The following PABPC4L variants were observed in gnomAD, a reference collection of about 807,000 sequenced individuals.
The protein encoded by PABPC4L is poly(A) binding protein cytoplasmic 4 like.
For missense variants in PABPC4L, 452 were observed against 451.4 expected, an observed-to-expected ratio of 1.00 and a Z score of -0.01; for synonymous variants, 169 against 164.1, an observed-to-expected ratio of 1.03 and a Z score of -0.23.
the PABPC4L span, among the ~76,000 whole-genome samples, chr4:134,024,092 T>A: frequency 1.3e-5 from 2 of 152,188 alleles, no homozygotes; most frequent in African/African-American, 2.4e-5. Flanking sequence ...AAAGTAAGTC[T>A]ACTAACCAAT....
the PABPC4L span, among the ~76,000 whole-genome samples, chr4:134,177,181 CT>C: frequency 3.9e-5 from 4 of 103,138 alleles, no homozygotes; most frequent in East Asian, 5.7e-4. Context: ...TTTTTCTTTT[CT>C]TTTCTTTTTT....
chr4:134,096,224 T>C, the PABPC4L span, among the ~76,000 whole-genome samples: 13 of 152,034 alleles, frequency 8.6e-5, no homozygotes, highest in Admixed American at 5.3e-4. Flanking sequence ...TGTCGGTTTT[T>C]TTCAAAGTAA....
At chr4:134,122,124 T>C in the PABPC4L span, among the ~76,000 whole-genome samples, 1 of 151,878 alleles carries the variant, frequency 6.6e-6, no homozygotes, top group Admixed American at 6.6e-5. Flanking sequence ...TTCACTTGTG[T>C]TTGGTCAACA....
the PABPC4L span, among the ~76,000 whole-genome samples, chr4:134,084,146 C>T: frequency 6.6e-6 from 1 of 151,972 alleles, no homozygotes; most frequent in African/African-American, 2.4e-5. Flanking sequence ...ACTCCTGGGC[C>T]CAAGGGATTA....
the PABPC4L span, among the ~76,000 whole-genome samples, chr4:134,054,783 C>T: frequency 6.6e-6 from 1 of 151,964 alleles, no homozygotes; most frequent in African/African-American, 2.4e-5. Flanking sequence ...GTTTAACCTT[C>T]CAACTCATAT....
chr4:134,047,581 T>G, the PABPC4L span, among the ~76,000 whole-genome samples: 1 of 152,292 alleles, frequency 6.6e-6, no homozygotes, highest in African/African-American at 2.4e-5. Flanking sequence ...TTAAGAAGTT[T>G]ATGCTCTCAG....
At chr4:134,178,370 A>C in the PABPC4L span, among the ~76,000 whole-genome samples, 1 of 130,648 alleles carries the variant, frequency 7.7e-6, no homozygotes, top group Non-Finnish European at 1.5e-5. Context: ...AAAAGCAAAA[A>C]AAAAAAAAAA....
At chr4:134,028,689 G>A in the PABPC4L span, among the ~76,000 whole-genome samples, 7 of 152,058 alleles carry the variant, frequency 4.6e-5, no homozygotes, top group Admixed American at 2.0e-4. Context: ...AACAATGTTA[G>A]CATGAGAATG....
At chr4:133,965,269 G>T in the PABPC4L span, among the ~76,000 whole-genome samples, 1 of 151,996 alleles carries the variant, frequency 6.6e-6, no homozygotes, top group Non-Finnish European at 1.5e-5. Flanking sequence ...CCAAGGAGGT[G>T]AAAGACCTCT....
At chr4:134,079,424 A>T in the PABPC4L span, among the ~76,000 whole-genome samples, 2 of 149,790 alleles carry the variant, frequency 1.3e-5, no homozygotes, top group Admixed American at 1.3e-4. Flanking sequence ...ACTAAAAAAA[A>T]ATAAATTAGC....
chr4:134,195,736 T>C (rs1421330528), downstream of PABPC4L, among the ~76,000 whole-genome samples: 2 of 151,800 alleles, frequency 1.3e-5, no homozygotes, highest in East Asian at 3.9e-4. Context: ...CAGAGCATTC[T>C]GTGAACTCCA....
At chr4:134,071,118 A>G in the PABPC4L span, among the ~76,000 whole-genome samples, 1 of 152,148 alleles carries the variant, frequency 6.6e-6, no homozygotes, top group Non-Finnish European at 1.5e-5. Flanking sequence ...TCCTGCTGCC[A>G]GGATTCTGGA....
the PABPC4L span, among the ~76,000 whole-genome samples, chr4:134,157,165 G>T: frequency 1.3e-5 from 2 of 151,200 alleles, no homozygotes; most frequent in Non-Finnish European, 3.0e-5. Flanking sequence ...TGATCCCGGG[G>T]TTGTTTAACA....
the PABPC4L span, among the ~76,000 whole-genome samples, chr4:134,085,439 A>G: frequency 6.6e-6 from 1 of 152,116 alleles, no homozygotes; most frequent in African/African-American, 2.4e-5. Context: ...CACACATAAT[A>G]CACAAACACA....
the PABPC4L span, among the ~76,000 whole-genome samples, chr4:134,044,244 T>C: frequency 6.6e-6 from 1 of 151,880 alleles, no homozygotes; most frequent in South Asian, 2.1e-4. Flanking sequence ...TAATGAGAAT[T>C]TAATATATTT....
At chr4:134,084,616 C>T in the PABPC4L span, among the ~76,000 whole-genome samples, 1 of 150,264 alleles carries the variant, frequency 6.7e-6, no homozygotes, top group African/African-American at 2.5e-5. Flanking sequence ...TTACATCTTA[C>T]AGAAAAAGAA....
chr4:134,178,954 A>AG, the PABPC4L span, among the ~76,000 whole-genome samples: 1 of 152,120 alleles, frequency 6.6e-6, no homozygotes, highest in Non-Finnish European at 1.5e-5. Flanking sequence ...AAGAGAACTA[A>AG]GCAACTTAAA....
the PABPC4L span, among the ~76,000 whole-genome samples, chr4:134,046,421 T>C: frequency 1.3e-5 from 2 of 152,146 alleles, no homozygotes; most frequent in Admixed American, 1.3e-4. Flanking sequence ...AGTTTTCTCC[T>C]ATCTCAGAAT....
At chr4:134,084,209 T>A in the PABPC4L span, among the ~76,000 whole-genome samples, 1 of 151,954 alleles carries the variant, frequency 6.6e-6, no homozygotes, top group Non-Finnish European at 1.5e-5. Context: ...GCACCATGCC[T>A]AGCTAATTTT....
Sources: gnomAD v4.1 joint callset for allele counts (sites outside exome capture counted in the v4.1 genomes callset) on GRCh38, gnomAD v4.1.1 for gene constraint, MANE v1.5 for transcripts, NCBI Gene and HGNC (gene_info 2026-07-23, HGNC 2026-07-21) for gene names.